UST: variants seen among roughly 807,000 people sequenced by gnomAD.
The protein encoded by UST is chondroitin sulfate 2-O-sulfotransferase.
In UST, 21 loss-of-function variants were observed where a neutral mutation model predicts 45.6. The observed-to-expected ratio is 0.46, with a 90% CI of 0.33 to 0.66. The LOEUF (loss-of-function observed/expected upper bound fraction) is 0.66. Ranked by LOEUF, UST falls within the 30% of genes least tolerant of loss-of-function variation. The pLI is 0.02. For synonymous variants in UST, 215 were observed against 200.6 expected (o/e 1.07, Z -0.61); for missense variants, 463 against 512.4 (o/e 0.90, Z 0.93).
chr6:149,009,603 T>A (rs1427765513), intron 5 of UST, among the ~76,000 whole-genome samples: 1 of 149,536 alleles, frequency 6.7e-6, no homozygotes, highest in Non-Finnish European at 1.5e-5. Context: ...ACACATCACC[T>A]GCAAGTTATT....
chr6:148,771,308 G>T (rs546907291), intron 1 of UST, among the ~76,000 whole-genome samples: 2 of 152,300 alleles, frequency 1.3e-5, no homozygotes, highest in East Asian at 3.9e-4. Context: ...GATTATAGAA[G>T]TGGCTCTGCT....
intron 1 of UST, among the ~76,000 whole-genome samples, chr6:148,820,423 G>A (rs2114742383): frequency 6.6e-6 from 1 of 152,090 alleles, no homozygotes; most frequent in African/African-American, 2.4e-5. Flanking sequence ...TCTCAAACTT[G>A]TTCTCCCTCT....
At chr6:148,898,557 A>G (rs1179494863) in intron 2 of UST, among the ~76,000 whole-genome samples, 1 of 152,182 alleles carries the variant, frequency 6.6e-6, no homozygotes, top group Non-Finnish European at 1.5e-5. Context: ...GTGGAGATCC[A>G]TGTCCAAGTT....
intron 5 of UST, among the ~76,000 whole-genome samples, chr6:149,011,998 A>G (rs9390651): frequency 0.88 from 134,024 of 152,244 alleles, 59,304 homozygotes; most frequent in Middle Eastern, 0.93. Flanking sequence ...ACATAGCCAT[A>G]AACTCAGAAG....
chr6:148,982,182 T>A (rs2114981712), intron 5 of UST, among the ~76,000 whole-genome samples: 1 of 151,332 alleles, frequency 6.6e-6, no homozygotes, highest in African/African-American at 2.4e-5. Flanking sequence ...CACTGCAACC[T>A]CTGCATCCTG....
At chr6:149,056,555 A>G (rs1776569179) in intron 7 of UST, among the ~76,000 whole-genome samples, 1 of 152,178 alleles carries the variant, frequency 6.6e-6, no homozygotes, top group Non-Finnish European at 1.5e-5. Context: ...TTGCAGTTTC[A>G]TCTCATTTTT....
intron 7 of UST, among the ~76,000 whole-genome samples, chr6:149,054,174 G>C (rs918542259): frequency 7.9e-5 from 12 of 152,218 alleles, no homozygotes; most frequent in Non-Finnish European, 1.8e-4. Context: ...GAAAGGGAGG[G>C]GGGTGCGGTA....
intron 1 of UST, among the ~76,000 whole-genome samples, chr6:148,871,141 T>TCTCTCTCTCTCTCTCTCTCTCC (rs1562283619): frequency 1.1e-4 from 17 of 149,258 alleles, no homozygotes; most frequent in African/African-American, 4.3e-4. Context: ...TCTCTCTCTC[T>TCTCTCTCTCTCTCTCTCTCTCC]CTCTCCCTCT....
At chr6:149,055,199 G>A (rs1776545400) in intron 7 of UST, among the ~76,000 whole-genome samples, 1 of 152,168 alleles carries the variant, frequency 6.6e-6, no homozygotes. Flanking sequence ...GAATGTAGGA[G>A]CAATTAGAAA....
chr6:148,919,569 T>G (rs1779662443), intron 2 of UST, among the ~76,000 whole-genome samples: 1 of 152,216 alleles, frequency 6.6e-6, no homozygotes, highest in South Asian at 2.1e-4. Context: ...AATGAAATAA[T>G]TATGCTTTCA....
At chr6:148,895,169 C>T (rs561506474) in intron 2 of UST, among the ~76,000 whole-genome samples, 3 of 152,080 alleles carry the variant, frequency 2.0e-5, no homozygotes, top group South Asian at 2.1e-4. Context: ...TCAGGTTTTC[C>T]CCCCAACCTT....
At position 149,038,688 on chromosome 6, in the gene UST, C is replaced by T. The variant is rs558903846; in HGVS notation, c.937+17207C>T. On this transcript the variant is annotated intron_variant, in intron 7 of 7. Coordinates refer to ENST00000367463, the MANE Select transcript of UST (RefSeq NM_005715.3). ...TTTCCAGGGGAAGACCTGGAGGGTCCGTTCGCATTCAAAATCTGCCCACGT... is the reference window on the plus strand; with the variant it reads ...TTTCCAGGGGAAGACCTGGAGGGTCTGTTCGCATTCAAAATCTGCCCACGT... Among the ~76,000 whole-genome samples, 12 of 152,246 alleles carry T rather than the reference C, an allele frequency of 7.9e-5. No individual in the cohort carries two copies. In the South Asian group the frequency reaches 2.1e-3, roughly 26 times the overall value.
chr6:148,839,458 G>A (rs1777851095), intron 1 of UST, among the ~76,000 whole-genome samples: 1 of 152,160 alleles, frequency 6.6e-6, no homozygotes, highest in Non-Finnish European at 1.5e-5. Context: ...GGTTTTGCCT[G>A]ATTCTAGAAT....
intron 7 of UST, among the ~76,000 whole-genome samples, chr6:149,022,279 G>C (rs1238340556): frequency 6.6e-6 from 1 of 152,180 alleles, no homozygotes; most frequent in Non-Finnish European, 1.5e-5. Flanking sequence ...TCCTGAGATG[G>C]AAGAAGGCAT....
intron 1 of UST, among the ~76,000 whole-genome samples, chr6:148,884,137 A>AG: frequency 6.6e-6 from 1 of 152,144 alleles, no homozygotes; most frequent in South Asian, 2.1e-4. Context: ...CGTCTCAAAA[A>AG]AAAAAAAAAA....
At position 148,993,330 on chromosome 6, in the gene UST, G is replaced by A. The variant is rs189646306; in HGVS notation, c.682-25809G>A. On this transcript the variant is annotated intron_variant, in intron 5 of 7. Transcript: ENST00000367463. ...ACCATCTGCATAATAGTCTAGTACC[G>A]TTGAGAATTCTCCAGTGGGAGTTTC... Among the ~76,000 whole-genome samples, 20 of 151,948 alleles carry A rather than the reference G, an allele frequency of 1.3e-4. No homozygotes were observed. The East Asian group carries it at 1.9e-3, about 15-fold the overall frequency.
rs567091759 is a variant in UST, at chr6:148,790,510, C to T, written c.247+42833C>T. On this transcript the variant is annotated intron_variant, in intron 1 of 7. Transcript: ENST00000367463. This position sits in a 1 kb window ranked among gnomAD's most constrained non-coding sequence, Gnocchi z 4.2. ...AAGTCCGTGCCCTGAATCACCTCCA[C>T]GTCCCACCTTGTGCCTGGTGAATGT... 1.8e-3 allele frequency among the ~76,000 whole-genome samples: 274 copies of T among 152,310 alleles called. 1 individual carries two copies. Among genetic ancestry groups the T allele is most frequent in the African/African-American group, 6.3e-3 (260 of 41,564 alleles).
At chr6:148,981,024 C>G (rs539813515) in intron 5 of UST, among the ~76,000 whole-genome samples, 2 of 152,136 alleles carry the variant, frequency 1.3e-5, no homozygotes, top group Admixed American at 6.6e-5. Flanking sequence ...CACACCTGGC[C>G]GGAAAGACCA....
intron 4 of UST, among the ~76,000 whole-genome samples, chr6:148,961,360 C>CT (rs1427394212): frequency 6.6e-6 from 1 of 152,200 alleles, no homozygotes; most frequent in African/African-American, 2.4e-5. Flanking sequence ...CTTCTACTCT[C>CT]TAGTGTATGC....
Sources: allele counts gnomAD v4.1 joint callset (sites outside exome capture counted in the v4.1 genomes callset), GRCh38; gene constraint gnomAD v4.1.1; non-coding constraint Gnocchi (gnomAD v3.1); transcripts MANE v1.5; gene names NCBI Gene and HGNC (gene_info 2026-07-23, HGNC 2026-07-21).